ZNF19: variants seen among roughly 807,000 people sequenced by gnomAD.
The protein encoded by ZNF19 is zinc finger protein 19, also known as zinc finger protein 19 (KOX 12).
A neutral mutation model predicts 13.1 loss-of-function variants in ZNF19; 11 were observed. That is an observed-to-expected ratio of 0.84 (90% CI 0.53 to 1.39). ZNF19 has a LOEUF of 1.39. ZNF19 is among the 40% of genes most tolerant of loss of function. The pLI, the probability that ZNF19 is intolerant of heterozygous loss-of-function variation, is 0.00. For synonymous variants in ZNF19, 186 were observed against 187.0 expected (o/e 0.99, Z 0.04); for missense variants, 560 against 547.0 (o/e 1.02, Z -0.24).
At chr16:71,479,845 G>C (rs550708503) in intron 3 of ZNF19, among the ~76,000 whole-genome samples, 13 of 151,764 alleles carry the variant, frequency 8.6e-5, no homozygotes, top group Non-Finnish European at 1.8e-4. Flanking sequence ...CCAGGTTGGA[G>C]TGCAGTGGCA....
Position 71,475,970 on chromosome 16 carries a change from C to G in ZNF19, c.577G>C (p.Glu193Gln). The change falls in exon 6 of 6, where the codon GAG (glutamate) becomes CAG (glutamine). Residue 193 changes from glutamate (E) to glutamine (Q), a missense_variant. Glu to Gln is a conservative substitution (Grantham distance 29). Transcript: ENST00000288177. ...TTACCATTAAAGGCTTTTCCACACT[C>G]ACTACACTCAAAAGGTTTCTCCCCA... The part of the protein sequence containing the change: ...HTGEKPFECS[E>Q]CGKAFNGNSS... 1 of 1,614,158 alleles carries G rather than the reference C, an allele frequency of 6.2e-7. No individual in the cohort carries two copies. Among genetic ancestry groups the G allele is most frequent in the South Asian group, 1.1e-5 (1 of 91,076 alleles).
chr16:71,482,860 C>T (rs952078276), intron 2 of ZNF19, among the ~76,000 whole-genome samples: 1 of 152,218 alleles, frequency 6.6e-6, no homozygotes, highest in Admixed American at 6.5e-5. Flanking sequence ...TGCCACCACA[C>T]CTGGCTCATT....
chr16:71,480,599 A>G (rs2043631106), intron 3 of ZNF19, among the ~76,000 whole-genome samples: 1 of 152,202 alleles, frequency 6.6e-6, no homozygotes, highest in Non-Finnish European at 1.5e-5. Context: ...TACAATCAGT[A>G]AACTAGGTCA....
chr16:71,483,073 T>G (rs1272604706), intron 2 of ZNF19, among the ~76,000 whole-genome samples: 3 of 152,188 alleles, frequency 2.0e-5, no homozygotes, highest in Non-Finnish European at 2.9e-5. Flanking sequence ...GCAAAATGAT[T>G]TTAAGGTTAA....
Position 71,476,271 on chromosome 16 carries a change from A to C in ZNF19, c.276T>G (p.Asp92Glu). The C allele has an allele frequency of 1.9e-5, 30 of 1,608,186 alleles. No homozygotes were observed. The highest frequency in any genetic ancestry group is 2.5e-5 in the Non-Finnish European group (29 of 1,177,258). The change falls in exon 6 of 6, where the codon GAT becomes GAG. Residue 92 changes from aspartate (D) to glutamate (E), a missense_variant and splice_region_variant. Asp to Glu is a conservative substitution (Grantham distance 45, BLOSUM62 2). Coordinates refer to ENST00000288177, the MANE Select transcript of ZNF19 (RefSeq NM_006961.4). ...ACTCACTGTCAATGTTGGTCTCAAC[A>C]TCTGACATAAGAGATAGAAAACACA... ...PAERTKNVCK[D>E]VETNIDSEST...
In ZNF19 at chr16:71,475,122, C is replaced by T; in HGVS notation, c.*48G>A. The stretch of plus-strand genomic sequence containing the variant: ...CAGGCCTGTGTCACACATTCCATTC[C>T]TGAGTAGAAGACGGAATCCACTCAG... On this transcript the variant is annotated 3_prime_UTR_variant, in exon 6 of 6. Transcript: ENST00000288177. The T allele has an allele frequency of 6.6e-7, 1 of 1,506,576 alleles. No homozygotes were observed. Among genetic ancestry groups the T allele is most frequent in the Non-Finnish European group, 8.9e-7 (1 of 1,125,528 alleles). 93.3% of individuals were successfully genotyped at this position (1,506,576 alleles called of 1,614,324 possible).
At chr16:71,477,700 AC>A (rs1377255914) in intron 5 of ZNF19, among the ~76,000 whole-genome samples, 2 of 151,538 alleles carry the variant, frequency 1.3e-5, no homozygotes, top group African/African-American at 4.9e-5. Context: ...AAGGCACCTC[AC>A]GCCCTGTGCT....
At chr16:71,477,722 T>C (rs2043611571) in intron 5 of ZNF19, among the ~76,000 whole-genome samples, 1 of 152,154 alleles carries the variant, frequency 6.6e-6, no homozygotes. Flanking sequence ...CAGCTCTGAA[T>C]TCCTATGAAT....
intron 1 of ZNF19, 68 bp downstream of exon 1, chr16:71,489,204 C>A (rs921902803): frequency 2.1e-6 from 2 of 973,622 alleles, no homozygotes; most frequent in African/African-American, 3.5e-5. Flanking sequence ...AAGGACCAGC[C>A]TGGACTGCTA....
rs371716422 is a variant in ZNF19 at position 71,476,286 on chromosome 16, T to G, written c.275-14A>C. ...TGGTCTCAACATCTGACATAAGAGA[T>G]AGAAAACACAAATAATGCCACCTGA... On this transcript the variant is annotated splice_polypyrimidine_tract_variant and intron_variant, in intron 5 of 5. Transcript: ENST00000288177. The G allele has an allele frequency of 6.3e-7, 1 of 1,591,994 alleles. No individual in the cohort carries two copies. The highest frequency in any genetic ancestry group is 1.1e-5 in the South Asian group (1 of 88,308).
intron 1 of ZNF19, chr16:71,487,430 T>A (rs2043686860): frequency 6.5e-6 from 1 of 153,138 alleles, no homozygotes; most frequent in African/African-American, 2.4e-5. Flanking sequence ...TGTTAGCCAA[T>A]TAAACCTCTT....
At position 71,484,604 on chromosome 16, in the gene ZNF19, A is replaced by G. The variant is rs2043662668; in HGVS notation, c.-45T>C. The G allele has an allele frequency of 2.0e-6, 2 of 985,262 alleles. No individual in the cohort carries two copies. The highest frequency in any genetic ancestry group is 2.4e-6 in the Non-Finnish European group (2 of 829,948). The allele number at this position is 985,262 out of a possible 1,614,324, so 61.0% of individuals were successfully genotyped here. A position where few individuals can be genotyped will look rare whatever the true frequency, so the allele number is the denominator to read the frequency against. On this transcript the variant is annotated 5_prime_UTR_variant, in exon 2 of 6. Coordinates refer to ENST00000288177, the MANE Select transcript of ZNF19 (RefSeq NM_006961.4). ...CAACACTCACCTCAGGAAAAACAGA[A>G]AGCGGTGCGTGAACGGAAGTGCGTC...
Position 71,482,115 on chromosome 16 carries a change from G to A in ZNF19, c.-1C>T. On this transcript the variant is annotated 5_prime_UTR_variant, in exon 3 of 6. Coordinates refer to ENST00000288177, the MANE Select transcript of ZNF19 (RefSeq NM_006961.4). ...GAGCTTTCAGAGGCATGGCTGCCAT[G>A]ACCTGGTCTCCCTCTTAGCAGGCAA... 1 of 1,614,132 alleles carries A rather than the reference G, an allele frequency of 6.2e-7. No individual in the cohort carries two copies.
At chr16:71,478,844 T>C in intron 4 of ZNF19, 35 bp downstream of exon 4, 1 of 1,609,110 alleles carries the variant, frequency 6.2e-7, no homozygotes, top group Non-Finnish European at 8.5e-7. Flanking sequence ...ACTGGAAAAG[T>C]ACAGATCTGA....
At chr16:71,482,997 C>T (rs1407913219) in intron 2 of ZNF19, among the ~76,000 whole-genome samples, 1 of 152,250 alleles carries the variant, frequency 6.6e-6, no homozygotes, top group Non-Finnish European at 1.5e-5. Context: ...GGCACCGCCT[C>T]CTGCTTTTAA....
intron 3 of ZNF19, among the ~76,000 whole-genome samples, chr16:71,479,277 C>A (rs1414901532): frequency 6.6e-6 from 1 of 152,134 alleles, no homozygotes; most frequent in East Asian, 1.9e-4. Flanking sequence ...GAAAAAAAGT[C>A]TCTTATTAGT....
intron 1 of ZNF19, among the ~76,000 whole-genome samples, chr16:71,488,773 T>G (rs1234318051): frequency 6.6e-6 from 1 of 152,264 alleles, no homozygotes; most frequent in Non-Finnish European, 1.5e-5. Context: ...CACTCCAGCC[T>G]GGGTGACAAG....
intron 2 of ZNF19, chr16:71,482,395 G>C: frequency 2.7e-6 from 1 of 375,694 alleles, no homozygotes; most frequent in Non-Finnish European, 4.9e-6. Flanking sequence ...GCTAAATGAA[G>C]AGCAAAACAA....
intron 3 of ZNF19, 53 bp downstream of exon 3, chr16:71,482,029 A>G: frequency 6.2e-7 from 1 of 1,600,154 alleles, no homozygotes; most frequent in Non-Finnish European, 8.6e-7. Flanking sequence ...TATCCACCTC[A>G]TTTCCTTCAA....
Sources: allele counts gnomAD v4.1 joint callset (sites outside exome capture counted in the v4.1 genomes callset), GRCh38; gene constraint gnomAD v4.1.1; transcripts MANE v1.5; gene names NCBI Gene and HGNC (gene_info 2026-07-23, HGNC 2026-07-21).